Variants in EPHA4 observed in about 807,000 individuals in gnomAD.
EPHA4 encodes the protein ephrin type-A receptor 4.
A neutral mutation model predicts 108.3 loss-of-function variants in EPHA4; 19 were observed. The ratio of observed to expected loss-of-function variants is 0.18; its 90% confidence interval spans 0.12 to 0.26. The LOEUF (loss-of-function observed/expected upper bound fraction) is 0.26. Among genes scored for constraint, EPHA4 ranks in the 10% least tolerant of loss-of-function variants. The pLI, the probability that EPHA4 is intolerant of heterozygous loss-of-function variation, is 1.00. For synonymous variants in EPHA4, 449 were observed against 455.5 expected, an observed-to-expected ratio of 0.99 and a Z score of 0.18; for missense variants, 917 against 1,254.0, an observed-to-expected ratio of 0.73 and a Z score of 4.06.
intron 9 of EPHA4, among the ~76,000 whole-genome samples, chr2:221,444,742 A>ATT (rs1690536279): frequency 7.2e-5 from 4 of 55,420 alleles, no homozygotes; most frequent in East Asian, 6.0e-4. Context: ...CTTTTTTTCT[A>ATT]TCTTTTTTTT....
At position 221,563,840 on chromosome 2, in the gene EPHA4, T is replaced by A. The variant is rs746462605; in HGVS notation, c.714A>T (p.Glu238Asp). The A allele has an allele frequency of 2.4e-5, 38 of 1,614,096 alleles. No individual in the cohort carries two copies. Among genetic ancestry groups the A allele is most frequent in the Non-Finnish European group, 3.1e-5 (36 of 1,180,050 alleles). ...EVRGSCVNNS[E>D]EKDVPKMYCG... ...AGTACATTTTTGGCACATCTTTCTC[T>A]TCTGAGTTGTTGACACAGGAGCCTC... The change falls in exon 3 of 18, where the codon GAA becomes GAT. Residue 238 changes from glutamate (E) to aspartate (D), a missense_variant. Physicochemically the swap from Glu to Asp is conservative, Grantham distance 45 (BLOSUM62 2). Transcript: ENST00000281821.
intron 4 of EPHA4, among the ~76,000 whole-genome samples, chr2:221,493,946 C>T (rs547686168): frequency 2.9e-3 from 445 of 152,262 alleles, no homozygotes; most frequent in African/African-American, 1.0e-2. Context: ...TATTTTCGGC[C>T]ACGTCTAAGT....
At chr2:221,466,883 C>A (rs1691328839) in intron 5 of EPHA4, among the ~76,000 whole-genome samples, 1 of 150,822 alleles carries the variant, frequency 6.6e-6, no homozygotes, top group East Asian at 1.9e-4. Context: ...ATCTCTGCCC[C>A]TCCTTTCCAT....
intron 2 of EPHA4, among the ~76,000 whole-genome samples, chr2:221,566,062 CTTT>C (rs551330324): frequency 6.6e-6 from 1 of 152,286 alleles, no homozygotes; most frequent in Admixed American, 6.5e-5. Flanking sequence ...TCAATATACT[CTTT>C]TAAGTGAATA....
At chr2:221,540,701 A>G (rs2106190578) in intron 3 of EPHA4, among the ~76,000 whole-genome samples, 1 of 152,282 alleles carries the variant, frequency 6.6e-6, no homozygotes, top group African/African-American at 2.4e-5. Flanking sequence ...TAACAGCTGA[A>G]GCTTCTTTTA....
At chr2:221,565,356 A>C (rs1188946297) in intron 2 of EPHA4, among the ~76,000 whole-genome samples, 1 of 152,208 alleles carries the variant, frequency 6.6e-6, no homozygotes, top group Non-Finnish European at 1.5e-5. Flanking sequence ...GAAAAGCAGC[A>C]AAACTTTTGG....
intron 5 of EPHA4, among the ~76,000 whole-genome samples, chr2:221,481,281 A>G (rs559749609): frequency 1.9e-4 from 29 of 152,296 alleles, no homozygotes; most frequent in Admixed American, 1.1e-3. Flanking sequence ...CATCTGTATT[A>G]GCAGAAAGTG....
At chr2:221,452,113 C>CAGAAGG (rs1690805704) in intron 8 of EPHA4, among the ~76,000 whole-genome samples, 1 of 152,238 alleles carries the variant, frequency 6.6e-6, no homozygotes, top group African/African-American at 2.4e-5. Context: ...GAAACTTTCT[C>CAGAAGG]ACTACGTGAG....
chr2:221,430,971 T>C (rs1690059463), intron 14 of EPHA4, among the ~76,000 whole-genome samples: 1 of 152,186 alleles, frequency 6.6e-6, no homozygotes, highest in Admixed American at 6.5e-5. Flanking sequence ...AATAACTCAT[T>C]CAACAGTCTC....
rs1694681667 is a variant in EPHA4 at position 221,566,969 on chromosome 2, G to GGAAGAGGAAGAAGAAGAAGAAGAA, written c.159+1748_159+1749insTTCTTCTTCTTCTTCTTCCTCTTC. ...GAGAAGGAGAAGGGGAAGAGGAAGA[G>GGAAGAGGAAGAAGAAGAAGAAGAA]GAAGAAGAAGAAGAAGAAGAAGAAG... is the stretch of plus-strand genomic sequence containing the variant. On this transcript the variant is annotated intron_variant, in intron 2 of 17. Coordinates refer to ENST00000281821, the MANE Select transcript of EPHA4 (RefSeq NM_004438.5). 5.0e-3 allele frequency among the ~76,000 whole-genome samples: 138 copies of GGAAGAGGAAGAAGAAGAAGAAGAA among 27,644 alleles called. 33 individuals carry two copies. The highest frequency in any genetic ancestry group is 9.0e-3 in the South Asian group (7 of 782). The allele number at this position is 27,644 out of a possible 152,430, so 18.1% of individuals were successfully genotyped here. A position where few individuals can be genotyped will look rare whatever the true frequency, so the allele number is the denominator to read the frequency against.
chr2:221,465,251 G>A (rs1283437041), intron 5 of EPHA4, among the ~76,000 whole-genome samples: 1 of 152,130 alleles, frequency 6.6e-6, no homozygotes, highest in African/African-American at 2.4e-5. Context: ...GTAAGACTTT[G>A]CAAAGTCTGT....
At chr2:221,438,059 CAAAAAA>C (rs1690301287) in intron 11 of EPHA4, among the ~76,000 whole-genome samples, 2 of 152,066 alleles carry the variant, frequency 1.3e-5, no homozygotes, top group Admixed American at 1.3e-4. Flanking sequence ...CTGCCTACCT[CAAAAAA>C]CAAACAAACA....
In EPHA4 at chr2:221,471,916, C is replaced by A. The variant is rs182489440; in HGVS notation, c.1318+10436G>T. 2.0e-5 allele frequency among the ~76,000 whole-genome samples: 3 copies of A among 152,152 alleles called. No individual in the cohort carries two copies. In the East Asian group the frequency reaches 5.8e-4, roughly 29 times the overall value. On this transcript the variant is annotated intron_variant, in intron 5 of 17. Coordinates refer to ENST00000281821, the MANE Select transcript of EPHA4 (RefSeq NM_004438.5). The stretch of plus-strand genomic sequence containing the variant: ...CCTTTATCACAAACCTTAATAATAA[C>A]CCTACTCCTACTGTAAATGGAGAGA...
Position 221,430,101 on chromosome 2 carries a change from G to T in EPHA4, c.2547C>A (p.Cys849Ter). 6.2e-7 allele frequency: 1 copy of T among 1,613,278 alleles called. No individual in the cohort carries two copies. The highest frequency in any genetic ancestry group is 8.5e-7 in the Non-Finnish European group (1 of 1,179,872). ...EGYRLPPPMDCPIALHQLMLD... is the reference protein window; with the variant it reads ...EGYRLPPPMD ...GCATCAGCTGGTGGAGCGCAATGGG[G>T]CAGTCCATTGGAGGGGGTAACCGAT... The change falls in exon 15 of 18, where the codon TGC becomes TGA. Residue 849 changes from cysteine to a stop codon, truncating the protein, a stop_gained. Coordinates refer to ENST00000281821, the MANE Select transcript of EPHA4 (RefSeq NM_004438.5). LOFTEE classifies it high-confidence loss of function.
intron 11 of EPHA4, among the ~76,000 whole-genome samples, chr2:221,438,554 G>A (rs989416000): frequency 2.3e-4 from 35 of 152,112 alleles, no homozygotes; most frequent in African/African-American, 7.0e-4. Flanking sequence ...TTGGGAGGCC[G>A]AGGCAGGTGG....
chr2:221,441,007 C>G (rs922215477), intron 11 of EPHA4, among the ~76,000 whole-genome samples: 10 of 152,086 alleles, frequency 6.6e-5, no homozygotes, highest in African/African-American at 2.4e-4. Context: ...AACCTCTGAG[C>G]AGGAGGCCCA....
At chr2:221,556,479 T>A (rs1289032849) in intron 3 of EPHA4, among the ~76,000 whole-genome samples, 1 of 151,246 alleles carries the variant, frequency 6.6e-6, no homozygotes, top group Non-Finnish European at 1.5e-5. Context: ...GTATTTTTTT[T>A]TTTTTTTTTT....
chr2:221,553,629 C>T (rs1694223869), intron 3 of EPHA4, among the ~76,000 whole-genome samples: 1 of 152,196 alleles, frequency 6.6e-6, no homozygotes, highest in Non-Finnish European at 1.5e-5. Context: ...GCACAGGCAG[C>T]TTCATTGGGG....
intron 15 of EPHA4, among the ~76,000 whole-genome samples, chr2:221,428,444 GTGT>G (rs1689975259): frequency 6.6e-6 from 1 of 152,182 alleles, no homozygotes; most frequent in Non-Finnish European, 1.5e-5. Flanking sequence ...ACTGATAATA[GTGT>G]ATCTAATACC....
Sources: gnomAD v4.1 joint callset for allele counts (sites outside exome capture counted in the v4.1 genomes callset) on GRCh38, gnomAD v4.1.1 for gene constraint, MANE v1.5 for transcripts, NCBI Gene and HGNC (gene_info 2026-07-23, HGNC 2026-07-21) for gene names.